The following TRIM44 variants were observed in gnomAD, a reference collection of about 807,000 sequenced individuals.
TRIM44 encodes the protein tripartite motif-containing protein 44.
In TRIM44, 13 loss-of-function variants were observed where a neutral mutation model predicts 37.4. The observed-to-expected ratio is 0.35, with a 90% CI of 0.23 to 0.55. The LOEUF (loss-of-function observed/expected upper bound fraction) is 0.55. TRIM44 is among the 20% of genes least tolerant of loss of function. The pLI, the probability that TRIM44 is intolerant of heterozygous loss-of-function variation, is 0.89. For missense variants in TRIM44, 426 were observed against 437.2 expected (o/e 0.97, Z 0.23); for synonymous variants, 175 against 157.2 (o/e 1.11, Z -0.85).
intron 4 of TRIM44, among the ~76,000 whole-genome samples, chr11:35,754,693 C>A (rs991252713): frequency 1.4e-5 from 2 of 145,736 alleles, no homozygotes; most frequent in African/African-American, 5.1e-5. Flanking sequence ...TGTGATGGTC[C>A]CCTTCCTGTG....
At chr11:35,764,212 A>G (rs760847390) in intron 4 of TRIM44, among the ~76,000 whole-genome samples, 3 of 151,830 alleles carry the variant, frequency 2.0e-5, no homozygotes, top group Non-Finnish European at 2.9e-5. Context: ...TGTGTTAACA[A>G]CTCCTGCTCC....
intron 1 of TRIM44, among the ~76,000 whole-genome samples, chr11:35,678,861 A>G (rs918445391): frequency 6.6e-6 from 1 of 152,080 alleles, no homozygotes; most frequent in Non-Finnish European, 1.5e-5. Flanking sequence ...TGGCCTCCCA[A>G]AGTGCTGGGA....
At chr11:35,703,146 C>T (rs1213904854) in intron 2 of TRIM44, among the ~76,000 whole-genome samples, 4 of 152,186 alleles carry the variant, frequency 2.6e-5, no homozygotes, top group East Asian at 1.9e-4. Context: ...CACAGAGTCT[C>T]GCTGATTGCT....
intron 1 of TRIM44, among the ~76,000 whole-genome samples, chr11:35,667,005 C>T (rs1275366889): frequency 2.6e-5 from 4 of 152,024 alleles, no homozygotes; most frequent in Admixed American, 6.6e-5. Flanking sequence ...GATAGCACCC[C>T]GAGTATTATG....
intron 1 of TRIM44, among the ~76,000 whole-genome samples, chr11:35,672,674 G>A (rs917146929): frequency 2.0e-5 from 3 of 152,114 alleles, no homozygotes; most frequent in East Asian, 1.9e-4. Context: ...TGTGATTCTC[G>A]AGGGGCTGGA....
At chr11:35,684,030 T>C (rs1475476597) in intron 1 of TRIM44, among the ~76,000 whole-genome samples, 5 of 152,178 alleles carry the variant, frequency 3.3e-5, no homozygotes. Flanking sequence ...TAGATAGTTA[T>C]TGGCTCTATT....
At chr11:35,691,903 C>T (rs1348248483) in intron 2 of TRIM44, among the ~76,000 whole-genome samples, 2 of 152,158 alleles carry the variant, frequency 1.3e-5, no homozygotes, top group Admixed American at 1.3e-4. Context: ...TCTTGGCCTC[C>T]CAAAGTGCTG....
Position 35,808,238 on chromosome 11 carries a change from CA to C in TRIM44, c.*1856del, listed in dbSNP as rs1853480928. ...AAAAAAAAAAAAAGCATTTTTCTCT[CA>C]AACTGATGGCCAAGAAATGGCTAGG... On this transcript the variant is annotated 3_prime_UTR_variant, in exon 5 of 5. Coordinates refer to ENST00000299413, the MANE Select transcript of TRIM44 (RefSeq NM_017583.6). 9.1e-6 allele frequency: 1 copy of C among 109,416 alleles called. No homozygotes were observed. The highest frequency in any genetic ancestry group is 3.3e-5 in the African/African-American group (1 of 30,516). 6.8% of individuals were successfully genotyped at this position (109,416 alleles called of 1,614,324 possible).
Position 35,782,217 on chromosome 11 carries a change from G to T in TRIM44, c.1008-24141G>T, listed in dbSNP as rs190483522. Among the ~76,000 whole-genome samples, 8 of 152,282 alleles carry T rather than the reference G, an allele frequency of 5.3e-5. No individual in the cohort carries two copies. In the East Asian group the frequency reaches 1.5e-3, roughly 29 times the overall value. ...TGGGGGGAATCCTAATCCAGCTGGG[G>T]TAGGATCTTGGAAAACTTCCTAGAG... is the stretch of plus-strand genomic sequence containing the variant. On this transcript the variant is annotated intron_variant, in intron 4 of 4. Coordinates refer to ENST00000299413, the MANE Select transcript of TRIM44 (RefSeq NM_017583.6).
chr11:35,684,323 T>C (rs141983130), intron 1 of TRIM44, among the ~76,000 whole-genome samples: 5 of 152,364 alleles, frequency 3.3e-5, no homozygotes, highest in African/African-American at 1.2e-4. Context: ...CTGAGTTAAG[T>C]AAAATACATC....
chr11:35,695,340 C>T (rs1214094009), intron 2 of TRIM44, among the ~76,000 whole-genome samples: 1 of 152,100 alleles, frequency 6.6e-6, no homozygotes, highest in Non-Finnish European at 1.5e-5. Flanking sequence ...GATGGGTTAT[C>T]TTGGGTAATT....
chr11:35,776,062 A>T (rs910673446), intron 4 of TRIM44, among the ~76,000 whole-genome samples: 14 of 151,918 alleles, frequency 9.2e-5, no homozygotes, highest in African/African-American at 3.4e-4. Flanking sequence ...TCCCCTTTGT[A>T]CCTCTGGTAG....
At chr11:35,738,335 TG>T (rs1196971518) in intron 4 of TRIM44, among the ~76,000 whole-genome samples, 1 of 151,620 alleles carries the variant, frequency 6.6e-6, no homozygotes, top group African/African-American at 2.4e-5. Context: ...TGTATCATTT[TG>T]ACAAGATAAT....
intron 4 of TRIM44, among the ~76,000 whole-genome samples, chr11:35,778,507 G>T (rs1156473550): frequency 2.0e-5 from 3 of 152,188 alleles, no homozygotes; most frequent in African/African-American, 7.2e-5. Flanking sequence ...TTGCTGGCAA[G>T]TAGCTGCGTT....
chr11:35,708,893 C>G (rs1052551481), intron 2 of TRIM44, among the ~76,000 whole-genome samples: 16 of 151,142 alleles, frequency 1.1e-4, no homozygotes, highest in Admixed American at 3.3e-4. Flanking sequence ...CACATGTACC[C>G]TAAAACTTAA....
rs796092540 is a variant in TRIM44, at chr11:35,792,111, A to ACACACACACACACACTCTCTCT, written c.1008-14246_1008-14245insACACACACACACACTCTCTCTC. Among the ~76,000 whole-genome samples, 99 of 114,354 alleles carry ACACACACACACACACTCTCTCT rather than the reference A, an allele frequency of 8.7e-4. 1 individual carries two copies. Among genetic ancestry groups the ACACACACACACACACTCTCTCT allele is most frequent in the Non-Finnish European group, 1.4e-3 (77 of 54,528 alleles). 75.0% of individuals were successfully genotyped at this position (114,354 alleles called of 152,430 possible). A position where few individuals can be genotyped will look rare whatever the true frequency, so the allele number is the denominator to read the frequency against. On this transcript the variant is annotated intron_variant, in intron 4 of 4. Coordinates refer to ENST00000299413, the MANE Select transcript of TRIM44 (RefSeq NM_017583.6). ...CACACACACACACACACACACACAC[A>ACACACACACACACACTCTCTCT]CTCTCTCTCATCATTCTCTATTCCA...
In TRIM44 at chr11:35,663,111, C is replaced by G; in HGVS notation, c.-1C>G. 6.6e-7 allele frequency: 1 copy of G among 1,512,804 alleles called. No homozygotes were observed. Among genetic ancestry groups the G allele is most frequent in the Non-Finnish European group, 8.8e-7 (1 of 1,136,418 alleles). The allele number at this position is 1,512,804 out of a possible 1,614,324, so 93.7% of individuals were successfully genotyped here. A position where few individuals can be genotyped will look rare whatever the true frequency, so the allele number is the denominator to read the frequency against. ...GGCCTTGGCCGCGTCACAGCACCCA[C>G]ATGGCCTCTGGAGTGGGCGCGGCCT... On this transcript the variant is annotated 5_prime_UTR_variant, in exon 1 of 5. Coordinates refer to ENST00000299413, the MANE Select transcript of TRIM44 (RefSeq NM_017583.6).
At chr11:35,798,888 A>ACTGTGATAATGGTGATTAT (rs1156274347) in intron 4 of TRIM44, among the ~76,000 whole-genome samples, 4 of 152,236 alleles carry the variant, frequency 2.6e-5, no homozygotes, top group African/African-American at 9.6e-5. Context: ...AATATATTTC[A>ACTGTGATAATGGTGATTAT]CTGTGATAAT....
chr11:35,685,371 C>A, intron 2 of TRIM44, 35 bp downstream of exon 2: 1 of 1,561,660 alleles, frequency 6.4e-7, no homozygotes, highest in Non-Finnish European at 8.8e-7. Flanking sequence ...GGTGTTGGTA[C>A]CCCAAGCATT....
Sources: allele counts gnomAD v4.1 joint callset (sites outside exome capture counted in the v4.1 genomes callset), GRCh38; gene constraint gnomAD v4.1.1; transcripts MANE v1.5; gene names NCBI Gene and HGNC (gene_info 2026-07-23, HGNC 2026-07-21).